MAMSTR: variants seen among roughly 807,000 people sequenced by gnomAD.
MAMSTR encodes the protein MEF2 activating motif and SAP domain containing transcriptional regulator.
In MAMSTR, 41 loss-of-function variants were observed where a neutral mutation model predicts 42.7. The observed-to-expected ratio is 0.96, with a 90% confidence interval of 0.75 to 1.25. The LOEUF is 1.25. Ranked by LOEUF, MAMSTR falls within the 50% of genes most tolerant of loss-of-function variation. The pLI is 0.00. For missense variants in MAMSTR, 567 were observed against 557.6 expected (o/e 1.02, Z -0.17); for synonymous variants, 265 against 244.1 (o/e 1.09, Z -0.80).
intron 3 of MAMSTR, among the ~76,000 whole-genome samples, chr19:48,716,205 G>A (rs1167232842): frequency 1.3e-5 from 2 of 151,714 alleles, no homozygotes; most frequent in East Asian, 1.9e-4. Flanking sequence ...GTGAAACTCC[G>A]TCTCTACTAA....
chr19:48,707,787 A>G (rs1294400869), downstream of MAMSTR, among the ~76,000 whole-genome samples: 2 of 129,002 alleles, frequency 1.6e-5, no homozygotes, highest in Non-Finnish European at 3.4e-5. Flanking sequence ...AAGAAAAGAA[A>G]GAAACAAAGA....
At position 48,715,311 on chromosome 19, in the gene MAMSTR, G is replaced by A. The variant is rs1313328163; in HGVS notation, c.376C>T (p.Pro126Ser). ...GTCCCTTCCCACAGAGATGGCCCAG[G>A]AGGACCCAGGGCGGACCCCTCGGCT... ...PQAEGSALGP[P>S]GPSLWEGTDS... Residue 126 changes from proline (P) to serine (S), a missense_variant, in exon 5 of 10, where the codon CCT becomes TCT. By Grantham distance (74) the Pro-to-Ser change is moderately conservative. Coordinates refer to ENST00000318083, the MANE Select transcript of MAMSTR (RefSeq NM_001130915.2). The A allele has an allele frequency of 6.3e-7, 1 of 1,595,974 alleles. No homozygotes were observed. Among genetic ancestry groups the A allele is most frequent in the African/African-American group, 1.3e-5 (1 of 74,800 alleles).
At chr19:48,713,633 C>G in intron 9 of MAMSTR, 83 bp from the exon 10 acceptor site, 1 of 1,604,518 alleles carries the variant, frequency 6.2e-7, no homozygotes. Flanking sequence ...CAGGATCCAG[C>G]TCCCCAGCTC....
chr19:48,716,374 C>CAAAAAAAAAAA, intron 3 of MAMSTR, among the ~76,000 whole-genome samples: 2 of 65,002 alleles, frequency 3.1e-5, no homozygotes, highest in Non-Finnish European at 5.5e-5. Context: ...GATTCCATCT[C>CAAAAAAAAAAA]AAAAAAAAAA....
chr19:48,714,998 G>A lies in MAMSTR; in HGVS notation c.426-90C>T. 6.8e-6 allele frequency: 6 copies of A among 881,272 alleles called. No homozygotes were observed. The East Asian group carries it at 1.5e-4, about 22-fold the overall frequency. 54.6% of individuals were successfully genotyped at this position (881,272 alleles called of 1,614,324 possible). On this transcript the variant is annotated intron_variant, in intron 5 of 9. Coordinates refer to ENST00000318083, the MANE Select transcript of MAMSTR (RefSeq NM_001130915.2). ...TCCTCAAAGACGGGGAGCTGGGGAA[G>A]ATGCAGAAAAGTGAGGGTCCAGAAT...
chr19:48,716,012 G>A, intron 3 of MAMSTR: 15 of 1,265,930 alleles, frequency 1.2e-5, no homozygotes, highest in Non-Finnish European at 1.5e-5. Context: ...GAGGATCACA[G>A]ATGTCTGAGG....
chr19:48,708,774 G>A (rs190323280), downstream of MAMSTR, among the ~76,000 whole-genome samples: 25 of 152,278 alleles, frequency 1.6e-4, no homozygotes, highest in Non-Finnish European at 5.9e-5. Flanking sequence ...GCTGAAAGAC[G>A]AGTGCCCGAG....
At chr19:48,710,405 G>A (rs2122251167), downstream of MAMSTR, among the ~76,000 whole-genome samples, 1 of 144,674 alleles carries the variant, frequency 6.9e-6, no homozygotes. Flanking sequence ...GTGAATCACT[G>A]GGCCCAATCT....
chr19:48,706,286 CAAA>C, the MAMSTR span, among the ~76,000 whole-genome samples: 123 of 130,012 alleles, frequency 9.5e-4, no homozygotes, highest in Middle Eastern at 4.0e-3. Context: ...GACTCCATCT[CAAA>C]AAAAAAAAAA....
chr19:48,710,750 A>T (rs2032710699), downstream of MAMSTR, among the ~76,000 whole-genome samples: 1 of 151,666 alleles, frequency 6.6e-6, no homozygotes, highest in African/African-American at 2.4e-5. Flanking sequence ...GCGCATGCCC[A>T]GCTAATTTTT....
Position 48,713,294 on chromosome 19 carries a change from C to T in MAMSTR, c.1221G>A (p.Leu407=). The T allele has an allele frequency of 6.2e-7, 1 of 1,603,478 alleles. No individual in the cohort carries two copies. Among genetic ancestry groups the T allele is most frequent in the Non-Finnish European group, 8.5e-7 (1 of 1,177,224 alleles). ...ADLSDSSSSR[L]WDLLEDPW is the part of the protein sequence containing the mutation. ...ACCATGGATCCTCCAGCAGGTCCCACAGCCGGCTGCTGCTGGAGTCAGATA... is the reference window on the plus strand; with the variant it reads ...ACCATGGATCCTCCAGCAGGTCCCATAGCCGGCTGCTGCTGGAGTCAGATA... The change falls in exon 10 of 10, where the codon CTG becomes CTA. Residue 407 remains leucine, a synonymous_variant. Transcript: ENST00000318083.
Position 48,713,209 on chromosome 19 carries a change from C to A in MAMSTR, c.*58G>T. 2 of 1,489,174 alleles carry A rather than the reference C, an allele frequency of 1.3e-6. No individual in the cohort carries two copies. Among genetic ancestry groups the A allele is most frequent in the Non-Finnish European group, 9.0e-7 (1 of 1,114,836 alleles). The allele number at this position is 1,489,174 out of a possible 1,614,324, so 92.2% of individuals were successfully genotyped here. A position where few individuals can be genotyped will look rare whatever the true frequency, so the allele number is the denominator to read the frequency against. ...CTCTGCTGGTAGTTCCCTCTCCTCC[C>A]ACAAGGAGCTTCTCTCCACCCCCAT... On this transcript the variant is annotated 3_prime_UTR_variant, in exon 10 of 10. Coordinates refer to ENST00000318083, the MANE Select transcript of MAMSTR (RefSeq NM_001130915.2).
intron 2 of MAMSTR, 66 bp downstream of exon 2, chr19:48,718,908 T>C: frequency 9.8e-5 from 57 of 581,204 alleles, no homozygotes; most frequent in Non-Finnish European, 1.6e-4. Context: ...CACCCCTCCC[T>C]TCCCACCCCA....
rs540606439 is a variant in MAMSTR, at chr19:48,718,362, C to T, written c.58+612G>A. Among the ~76,000 whole-genome samples, 25 of 148,416 alleles carry T rather than the reference C, an allele frequency of 1.7e-4. No homozygotes were observed. The South Asian group carries it at 5.0e-3, about 30-fold the overall frequency. On this transcript the variant is annotated intron_variant, in intron 2 of 9. Coordinates refer to ENST00000318083, the MANE Select transcript of MAMSTR (RefSeq NM_001130915.2). ...CCTTCTCAGGAACTGATCTGTAGTT[C>T]GAAACACTTGCACACTTCTTTTTTT...
At position 48,714,474 on chromosome 19, in the gene MAMSTR, G is replaced by A. The variant is rs763869469; in HGVS notation, c.615C>T (p.Gly205=). ...KSMLLERMRG[G]APPRERPKPR... is the part of the protein sequence containing the mutation. ...GCTTCGGCCGCTCGCGGGGCGGCGC[G>A]CCGCCGCGCATGCGCTCCAGGAGCA... The change falls in exon 7 of 10, where the codon GGC becomes GGT. Residue 205 remains glycine (G), a synonymous_variant. Coordinates refer to ENST00000318083, the MANE Select transcript of MAMSTR (RefSeq NM_001130915.2). 1.2e-5 allele frequency: 17 copies of A among 1,363,046 alleles called. No homozygotes were observed. The Admixed American group carries it at 2.7e-4, about 22-fold the overall frequency. The allele number at this position is 1,363,046 out of a possible 1,614,324, so 84.4% of individuals were successfully genotyped here. A position where few individuals can be genotyped will look rare whatever the true frequency, so the allele number is the denominator to read the frequency against.
downstream of MAMSTR, among the ~76,000 whole-genome samples, chr19:48,707,880 AAAGAAAGAAAAG>A (rs1306474678): frequency 3.6e-5 from 4 of 111,154 alleles, no homozygotes; most frequent in African/African-American, 7.6e-5. Context: ...AGAAAGAAAG[AAAGAAAGAAAAG>A]AAAGAAAGAA....
At chr19:48,718,696 G>A (rs773483775) in intron 2 of MAMSTR, among the ~76,000 whole-genome samples, 3 of 152,088 alleles carry the variant, frequency 2.0e-5, no homozygotes, top group Middle Eastern at 3.4e-3. Flanking sequence ...CTGCGTGTGC[G>A]CCAGTATAAG....
chr19:48,709,571 C>T (rs2032696096), downstream of MAMSTR, among the ~76,000 whole-genome samples: 1 of 152,158 alleles, frequency 6.6e-6, no homozygotes, highest in Non-Finnish European at 1.5e-5. Context: ...ATTAATCATG[C>T]CTTTGTATTT....
chr19:48,715,399 C>G lies in MAMSTR; in HGVS notation c.288G>C (p.Gly96=). The change falls in exon 5 of 10, where the codon GGG becomes GGC. Residue 96 remains glycine (G), a synonymous_variant. Coordinates refer to ENST00000318083, the MANE Select transcript of MAMSTR (RefSeq NM_001130915.2). ...GCATGTACTGGTGGTATGTCAAGTTCCCCCTGGGCTTGGACTCCCTCCAAC... is the reference window on the plus strand; with the variant it reads ...GCATGTACTGGTGGTATGTCAAGTTGCCCCTGGGCTTGGACTCCCTCCAAC... ...SQRWRESKPR[G]NLTYHQYMPP... is the part of the protein sequence containing the mutation. 1 of 1,518,526 alleles carries G rather than the reference C, an allele frequency of 6.6e-7. No individual in the cohort carries two copies. The highest frequency in any genetic ancestry group is 1.3e-5 in the South Asian group (1 of 78,414). 94.1% of individuals were successfully genotyped at this position (1,518,526 alleles called of 1,614,324 possible). A position where few individuals can be genotyped will look rare whatever the true frequency, so the allele number is the denominator to read the frequency against.
Sources: allele counts gnomAD v4.1 joint callset (sites outside exome capture counted in the v4.1 genomes callset), GRCh38; gene constraint gnomAD v4.1.1; transcripts MANE v1.5; gene names NCBI Gene and HGNC (gene_info 2026-07-23, HGNC 2026-07-21).